Variants in NUP155 observed in about 807,000 individuals in gnomAD.
NUP155 encodes the protein nucleoporin 155.
In NUP155, 71 loss-of-function variants were observed where a neutral mutation model predicts 180.4. That is an observed-to-expected ratio of 0.39 (90% CI 0.33 to 0.48). The LOEUF (loss-of-function observed/expected upper bound fraction) is 0.48. NUP155 is among the 20% of genes least tolerant of loss of function. The pLI is 0.91. For missense variants in NUP155, 1,553 were observed against 1,648.9 expected, an observed-to-expected ratio of 0.94 and a Z score of 1.01; for synonymous variants, 582 against 559.5, an observed-to-expected ratio of 1.04 and a Z score of -0.57.
intron 14 of NUP155, among the ~76,000 whole-genome samples, chr5:37,331,271 T>C (rs1405968269): frequency 6.6e-6 from 1 of 151,900 alleles, no homozygotes; most frequent in Non-Finnish European, 1.5e-5. Context: ...GAAAGGAATA[T>C]TGTTAAGATT....
intron 32 of NUP155, among the ~76,000 whole-genome samples, chr5:37,296,004 G>T (rs1486184933): frequency 7.2e-6 from 1 of 138,874 alleles, no homozygotes; most frequent in Non-Finnish European, 1.6e-5. Flanking sequence ...GAGGGAGGAG[G>T]GGGGGGTCAG....
intron 20 of NUP155, among the ~76,000 whole-genome samples, chr5:37,321,129 T>C (rs1475611145): frequency 1.3e-5 from 2 of 150,518 alleles, no homozygotes; most frequent in Non-Finnish European, 2.9e-5. Context: ...GTGGATTATC[T>C]GAGGTCAAGA....
intron 24 of NUP155, 106 bp downstream of exon 24, chr5:37,309,023 G>T: frequency 1.7e-6 from 2 of 1,180,760 alleles, no homozygotes; most frequent in South Asian, 1.3e-5. Context: ...GCTGAAAGAA[G>T]ATTTGCATCT....
At chr5:37,335,332 CT>C (rs11362103) in intron 12 of NUP155, among the ~76,000 whole-genome samples, 49,108 of 146,778 alleles carry the variant, frequency 0.33, 13,142 homozygotes, top group African/African-American at 0.75. Context: ...AGTGAGCTAT[CT>C]ATGCCACTGC....
At chr5:37,368,945 A>C (rs1747782669) in intron 1 of NUP155, among the ~76,000 whole-genome samples, 1 of 152,246 alleles carries the variant, frequency 6.6e-6, no homozygotes, top group Non-Finnish European at 1.5e-5. Flanking sequence ...AACTTTAGTG[A>C]GGATGGGAAT....
intron 11 of NUP155, among the ~76,000 whole-genome samples, chr5:37,338,696 C>T (rs1177684675): frequency 2.6e-5 from 4 of 152,084 alleles, no homozygotes; most frequent in Admixed American, 1.3e-4. Context: ...TGAGCCACTG[C>T]GCCCAACCGA....
intron 1 of NUP155, among the ~76,000 whole-genome samples, chr5:37,368,440 C>T (rs1747748237): frequency 1.3e-5 from 2 of 151,716 alleles, no homozygotes; most frequent in Admixed American, 1.3e-4. Flanking sequence ...GCCATATTGC[C>T]AAGACTGGTC....
At chr5:37,308,541 CA>C (rs1743313138) in intron 24 of NUP155, among the ~76,000 whole-genome samples, 1 of 151,540 alleles carries the variant, frequency 6.6e-6, no homozygotes, top group South Asian at 2.1e-4. Flanking sequence ...ACTAAAAATA[CA>C]AAAAAATTAG....
Position 37,331,980 on chromosome 5 carries a change from A to G in NUP155, c.1519-185T>C, listed in dbSNP as rs116018063. 7.9e-3 allele frequency among the ~76,000 whole-genome samples: 1,206 copies of G among 152,238 alleles called. 21 individuals carry two copies. The highest frequency in any genetic ancestry group is 0.028 in the African/African-American group (1,148 of 41,546). The stretch of plus-strand genomic sequence containing the variant: ...ACATCACGGGGCTGAGGCAGGAGGA[A>G]TGGCTGAGGTGATATAAAAAGTACA... On this transcript the variant is annotated intron_variant, in intron 13 of 34. Transcript: ENST00000231498.
chr5:37,320,884 G>GAT (rs1744200386), intron 20 of NUP155, among the ~76,000 whole-genome samples: 2 of 152,188 alleles, frequency 1.3e-5, no homozygotes, highest in Admixed American at 1.3e-4. Flanking sequence ...TGCTGACTGA[G>GAT]ATGCATGTCT....
intron 19 of NUP155, among the ~76,000 whole-genome samples, chr5:37,324,581 C>G (rs1744461044): frequency 6.6e-6 from 1 of 151,058 alleles, no homozygotes; most frequent in Non-Finnish European, 1.5e-5. Context: ...TTTTGAGAGA[C>G]AGCGTCTTGT....
chr5:37,343,138 C>T (rs1745849174), intron 9 of NUP155, among the ~76,000 whole-genome samples: 1 of 151,420 alleles, frequency 6.6e-6, no homozygotes, highest in Non-Finnish European at 1.5e-5. Context: ...GCAGTGGCGC[C>T]ATCTCCACTC....
chr5:37,324,558 T>TG (rs1561785088), intron 19 of NUP155, among the ~76,000 whole-genome samples: 1 of 150,572 alleles, frequency 6.6e-6, no homozygotes, highest in Non-Finnish European at 1.5e-5. Flanking sequence ...CTTAGAAACT[T>TG]GAACTTTTTT....
chr5:37,353,848 T>G (rs561200160), intron 4 of NUP155, among the ~76,000 whole-genome samples: 2 of 152,252 alleles, frequency 1.3e-5, no homozygotes, highest in South Asian at 2.1e-4. Context: ...AAATACAGAG[T>G]TCTAGATATA....
chr5:37,340,428 G>C (rs1244126150), intron 11 of NUP155, among the ~76,000 whole-genome samples: 1 of 150,556 alleles, frequency 6.6e-6, no homozygotes, highest in East Asian at 1.9e-4. Flanking sequence ...CTCGGCAACA[G>C]AGCCAGACCA....
chr5:37,337,891 T>C lies in NUP155; in HGVS notation c.1274A>G (p.Asn425Ser). 1.2e-6 allele frequency: 2 copies of C among 1,608,948 alleles called. No individual in the cohort carries two copies. The highest frequency in any genetic ancestry group is 1.7e-6 in the Non-Finnish European group (2 of 1,176,822). ...KGILLMAASE[N>S]EDNDILWCVN... ...ACACCATAAAATATCATTATCCTCA[T>C]TTTCTGAGGCTGCCATCAATAGAAT... Residue 425 changes from asparagine to serine, a missense_variant, in exon 12 of 35, where the codon AAT becomes AGT. By Grantham distance (46) the Asn-to-Ser change is conservative. Coordinates refer to ENST00000231498, the MANE Select transcript of NUP155 (RefSeq NM_153485.3).
intron 12 of NUP155, among the ~76,000 whole-genome samples, chr5:37,336,947 G>A (rs889024127): frequency 2.6e-5 from 4 of 152,174 alleles, no homozygotes; most frequent in African/African-American, 9.7e-5. Context: ...TGCCTGTGAA[G>A]AGGTAGCTCT....
At position 37,333,757 on chromosome 5, in the gene NUP155, GTAT is replaced by G. The variant is rs764775870; in HGVS notation, c.1348-127_1348-125del. 18 of 718,058 alleles carry G rather than the reference GTAT, an allele frequency of 2.5e-5. 1 individual carries two copies. The highest frequency in any genetic ancestry group is 1.7e-4 in the Admixed American group (6 of 35,954). 44.5% of individuals were successfully genotyped at this position (718,058 alleles called of 1,614,324 possible). ...TACATTAACATGAATATTTTTGAAA[GTAT>G]TATGTAATTTTCTACTATCTTTTTT... On this transcript the variant is annotated intron_variant, in intron 12 of 34. Coordinates refer to ENST00000231498, the MANE Select transcript of NUP155 (RefSeq NM_153485.3).
At chr5:37,310,506 G>A (rs1296740840) in intron 23 of NUP155, 46 bp downstream of exon 23, 1 of 1,490,010 alleles carries the variant, frequency 6.7e-7, no homozygotes, top group South Asian at 1.1e-5. Context: ...CATCATACAT[G>A]ATACCTCTTA....
Sources: gnomAD v4.1 joint callset for allele counts (sites outside exome capture counted in the v4.1 genomes callset) on GRCh38, gnomAD v4.1.1 for gene constraint, MANE v1.5 for transcripts, NCBI Gene and HGNC (gene_info 2026-07-23, HGNC 2026-07-21) for gene names.